WNT2B: variants seen among roughly 807,000 people sequenced by gnomAD.
WNT2B encodes the protein protein Wnt-2b.
In WNT2B, 19 loss-of-function variants were observed where a neutral mutation model predicts 40.5. The ratio of observed to expected loss-of-function variants is 0.47; its 90% CI spans 0.33 to 0.69. The LOEUF (loss-of-function observed/expected upper bound fraction) is 0.69, where lower values mean the gene tolerates loss of function less well. WNT2B is among the 30% of genes least tolerant of loss of function. The pLI is 0.02. For synonymous variants in WNT2B, 220 were observed against 211.9 expected, an observed-to-expected ratio of 1.04 and a Z score of -0.33; for missense variants, 467 against 556.4, an observed-to-expected ratio of 0.84 and a Z score of 1.62.
At chr1:112,471,336 G>A (rs746592940) in intron 1 of WNT2B, among the ~76,000 whole-genome samples, 6 of 152,212 alleles carry the variant, frequency 3.9e-5, no homozygotes, top group Non-Finnish European at 5.9e-5. Flanking sequence ...CAGCAGGGAT[G>A]TGTATAGCAG....
upstream of WNT2B, among the ~76,000 whole-genome samples, chr1:112,505,259 C>T (rs1285054053): frequency 6.6e-6 from 1 of 152,256 alleles, no homozygotes; most frequent in African/African-American, 2.4e-5. Context: ...TCTACTGATA[C>T]TGTTCACTAT....
At chr1:112,473,089 C>A in intron 1 of WNT2B, among the ~76,000 whole-genome samples, 4 of 64,018 alleles carry the variant, frequency 6.2e-5, no homozygotes, top group South Asian at 4.1e-4. Flanking sequence ...GAAAGAAACA[C>A]GGAAGGAGGA....
chr1:112,507,241 T>C (rs544763601), upstream of WNT2B, among the ~76,000 whole-genome samples: 16 of 152,290 alleles, frequency 1.1e-4, no homozygotes, highest in South Asian at 3.3e-3. Flanking sequence ...TACTACTTTT[T>C]AACATACTCT....
intron 1 of WNT2B, among the ~76,000 whole-genome samples, chr1:112,474,339 G>A (rs374818212): frequency 1.3e-5 from 2 of 151,722 alleles, no homozygotes; most frequent in East Asian, 2.0e-4. Flanking sequence ...TAGTGGAGAC[G>A]GGGTTTCACC....
intron 1 of WNT2B, among the ~76,000 whole-genome samples, chr1:112,510,044 CT>C (rs1306931926): frequency 6.6e-6 from 1 of 152,174 alleles, no homozygotes; most frequent in Non-Finnish European, 1.5e-5. Context: ...GAGGATGTCA[CT>C]TAGGAAACTT....
Position 112,469,200 on chromosome 1 carries a change from A to G in WNT2B, c.-95+1609A>G, listed in dbSNP as rs562176887. Among the ~76,000 whole-genome samples the G allele has an allele frequency of 1.1e-3, 160 of 152,344 alleles. 1 individual carries two copies. Among genetic ancestry groups the G allele is most frequent in the African/African-American group, 3.7e-3 (153 of 41,574 alleles). Reference sequence around the variant, plus strand: ...ATACCAATACCATCCTGATTTGGTTACTAAAGCCATGTAATCCATTTTGAA... The same window carrying G: ...ATACCAATACCATCCTGATTTGGTTGCTAAAGCCATGTAATCCATTTTGAA... On this transcript the variant is annotated intron_variant, in intron 1 of 4. Coordinates refer to the WNT2B transcript ENST00000256640.
intron 1 of WNT2B, among the ~76,000 whole-genome samples, chr1:112,488,948 C>T (rs1651509083): frequency 6.6e-6 from 1 of 152,104 alleles, no homozygotes; most frequent in Non-Finnish European, 1.5e-5. Context: ...CCTAGGCCTC[C>T]CAAATGGGAA....
chr1:112,519,872 C>CTTCTTTTTTTT lies in WNT2B; in HGVS notation c.947-406_947-405insCTTTTTTTTTT, dbSNP rs10634267. On this transcript the variant is annotated intron_variant, in intron 4 of 4. Transcript: ENST00000369684. ...CAAGATGATGTCAGAGCCCATGCTTCTTTTTTTTTTTTTTTTTTTTGGAGA... is the reference window on the plus strand; with the variant it reads ...CAAGATGATGTCAGAGCCCATGCTTCTTCTTTTTTTTTTTTTTTTTTTTTTTTTTTTGGAGA... 2.7e-3 allele frequency among the ~76,000 whole-genome samples: 307 copies of CTTCTTTTTTTT among 115,524 alleles called. 16 individuals are homozygous for CTTCTTTTTTTT. Among genetic ancestry groups the CTTCTTTTTTTT allele is most frequent in the Non-Finnish European group, 3.7e-3 (208 of 56,152 alleles). 75.8% of individuals were successfully genotyped at this position (115,524 alleles called of 152,430 possible).
chr1:112,479,595 G>A (rs1391240661), intron 1 of WNT2B, among the ~76,000 whole-genome samples: 1 of 151,946 alleles, frequency 6.6e-6, no homozygotes, highest in Non-Finnish European at 1.5e-5. Flanking sequence ...TTTTTCTAAT[G>A]GATATACAGT....
chr1:112,497,459 C>T (rs1339038281), intron 1 of WNT2B, among the ~76,000 whole-genome samples: 1 of 152,210 alleles, frequency 6.6e-6, no homozygotes, highest in African/African-American at 2.4e-5. Flanking sequence ...CCTAGACCCA[C>T]ATAGCAAAGA....
At chr1:112,508,878 C>T (rs913622016), upstream of WNT2B, 3 of 1,023,152 alleles carry the variant, frequency 2.9e-6, no homozygotes, top group African/African-American at 3.4e-5. This position sits in a 1 kb window ranked among gnomAD's most constrained non-coding sequence, Gnocchi z 4.2. Flanking sequence ...TTGGCGCGGG[C>T]GGAGCCGCCC....
intron 1 of WNT2B, among the ~76,000 whole-genome samples, chr1:112,490,611 T>A (rs1651568290): frequency 6.6e-6 from 1 of 151,432 alleles, no homozygotes. Context: ...TGCCTCAGCC[T>A]CCCTAGTAGC....
chr1:112,484,272 C>CAT (rs60819225), intron 1 of WNT2B, among the ~76,000 whole-genome samples: 7,240 of 123,042 alleles, frequency 0.059, 318 homozygotes, highest in East Asian at 0.16. Flanking sequence ...TATATATACA[C>CAT]ATATATATAT....
intron 1 of WNT2B, among the ~76,000 whole-genome samples, chr1:112,470,143 G>A (rs1432867100): frequency 2.0e-5 from 3 of 152,064 alleles, no homozygotes; most frequent in Non-Finnish European, 4.4e-5. Context: ...ACTCTTTTTA[G>A]CATTTCTTGT....
At chr1:112,482,578 C>T (rs1465077681) in intron 1 of WNT2B, among the ~76,000 whole-genome samples, 2 of 152,194 alleles carry the variant, frequency 1.3e-5, no homozygotes, top group Non-Finnish European at 2.9e-5. Flanking sequence ...AGCAATCCTC[C>T]TGCCTCAGCC....
At chr1:112,485,949 A>G (rs1262346828) in intron 1 of WNT2B, among the ~76,000 whole-genome samples, 2 of 152,162 alleles carry the variant, frequency 1.3e-5, no homozygotes, top group African/African-American at 4.8e-5. Flanking sequence ...GGTGAAATAC[A>G]TTGATTGATT....
rs1321520952 is a variant in WNT2B, at chr1:112,523,900, TA to T, written c.*3395del. The T allele has an allele frequency of 6.6e-6, 1 of 151,816 alleles. No individual in the cohort carries two copies. The highest frequency in any genetic ancestry group is 2.4e-5 in the African/African-American group (1 of 41,310). The allele number at this position is 151,816 out of a possible 1,614,324, so 9.4% of individuals were successfully genotyped here. Reference sequence around the variant, plus strand: ...GCCAGCCTTAACCTAGCCCTGCAGATAAAAGCTAACTTTTATTAATACCAGC... The same window carrying T: ...GCCAGCCTTAACCTAGCCCTGCAGATAAAGCTAACTTTTATTAATACCAGC... On this transcript the variant is annotated 3_prime_UTR_variant, in exon 5 of 5. Transcript: ENST00000369684.
At position 112,526,200 on chromosome 1, in the gene WNT2B, G is replaced by A; in HGVS notation, c.*5691G>A. On this transcript the variant is annotated 3_prime_UTR_variant, in exon 5 of 5. Coordinates refer to ENST00000369684, the MANE Select transcript of WNT2B (RefSeq NM_024494.3). ...GTATATCTGAGCACAGTTTACAAAG[G>A]AACAGCCTAGGCCCTCCTGAACCTT... 1 of 1,571,758 alleles carries A rather than the reference G, an allele frequency of 6.4e-7. No individual in the cohort carries two copies. Among genetic ancestry groups the A allele is most frequent in the Middle Eastern group, 2.0e-4 (1 of 5,126 alleles).
chr1:112,484,941 A>T (rs1227547126), intron 1 of WNT2B, among the ~76,000 whole-genome samples: 1 of 152,200 alleles, frequency 6.6e-6, no homozygotes, highest in Non-Finnish European at 1.5e-5. Context: ...TGTGTTTATA[A>T]ATCAGAAGAC....
Sources: allele counts gnomAD v4.1 joint callset (sites outside exome capture counted in the v4.1 genomes callset), GRCh38; gene constraint gnomAD v4.1.1; non-coding constraint Gnocchi (gnomAD v3.1); transcripts MANE v1.5; gene names NCBI Gene and HGNC (gene_info 2026-07-23, HGNC 2026-07-21).